Variants in HTR1F observed in about 807,000 individuals in gnomAD.
HTR1F encodes the protein 5-hydroxytryptamine receptor 1F.
A neutral mutation model predicts 24.0 loss-of-function variants in HTR1F; 17 were observed. The ratio of observed to expected loss-of-function variants is 0.71; its 90% CI spans 0.48 to 1.06. HTR1F has a LOEUF of 1.06. Among genes scored for constraint, HTR1F ranks in the 50% least tolerant of loss-of-function variants. HTR1F has a pLI of 0.00. For missense variants in HTR1F, 391 were observed against 427.8 expected, an observed-to-expected ratio of 0.91 and a Z score of 0.76; for synonymous variants, 186 against 156.8, an observed-to-expected ratio of 1.19 and a Z score of -1.39.
intron 2 of HTR1F, among the ~76,000 whole-genome samples, chr3:87,878,690 C>T (rs1206885582): frequency 6.6e-6 from 1 of 151,906 alleles, no homozygotes; most frequent in African/African-American, 2.4e-5. Flanking sequence ...CAAACACACA[C>T]ACACAGATTT....
At chr3:87,840,452 G>A (rs1704777150) in intron 2 of HTR1F, among the ~76,000 whole-genome samples, 1 of 151,984 alleles carries the variant, frequency 6.6e-6, no homozygotes. Flanking sequence ...TGGAGAAAAG[G>A]GAAGCTTTAT....
chr3:87,882,879 T>TA (rs1705839497), intron 2 of HTR1F, among the ~76,000 whole-genome samples: 1 of 151,660 alleles, frequency 6.6e-6, no homozygotes, highest in African/African-American at 2.4e-5. Context: ...AAAATAAATT[T>TA]AAAAAAAAGG....
intron 1 of HTR1F, among the ~76,000 whole-genome samples, chr3:87,819,894 AAGTT>A (rs762649179): frequency 1.3e-4 from 20 of 152,102 alleles, no homozygotes; most frequent in Non-Finnish European, 2.5e-4. Flanking sequence ...AATGAGAAAA[AAGTT>A]AAATAGTAAA....
At chr3:87,935,062 C>T (rs1704378356) in intron 2 of HTR1F, among the ~76,000 whole-genome samples, 2 of 152,128 alleles carry the variant, frequency 1.3e-5, no homozygotes, top group South Asian at 4.2e-4. Context: ...GAAACAAGGT[C>T]TCACTACATT....
intron 2 of HTR1F, among the ~76,000 whole-genome samples, chr3:87,969,807 A>G (rs1471329866): frequency 6.6e-6 from 1 of 152,182 alleles, no homozygotes; most frequent in Non-Finnish European, 1.5e-5. Context: ...CCACATGTCA[A>G]ATTGTAGCTT....
intron 2 of HTR1F, among the ~76,000 whole-genome samples, chr3:87,915,301 AC>A (rs1199404677): frequency 6.6e-6 from 1 of 152,096 alleles, no homozygotes; most frequent in African/African-American, 2.4e-5. Context: ...GTTCTATAAC[AC>A]CCCCCAAAAA....
At chr3:87,958,958 G>C (rs941965762) in intron 2 of HTR1F, among the ~76,000 whole-genome samples, 1 of 151,674 alleles carries the variant, frequency 6.6e-6, no homozygotes, top group South Asian at 2.1e-4. Context: ...CTGATTGTCA[G>C]ATCCATATTG....
chr3:87,983,329 C>A (rs187994726), intron 2 of HTR1F, among the ~76,000 whole-genome samples: 53 of 152,294 alleles, frequency 3.5e-4, no homozygotes, highest in Admixed American at 1.7e-3. Flanking sequence ...GTTCCATTGA[C>A]TGAAGTGCTG....
intron 2 of HTR1F, among the ~76,000 whole-genome samples, chr3:87,928,851 C>A (rs1447871191): frequency 6.6e-6 from 1 of 152,076 alleles, no homozygotes; most frequent in African/African-American, 2.4e-5. Flanking sequence ...TGTAAGGGTA[C>A]AACATTTCAG....
At chr3:87,796,576 AG>A (rs1376605518) in intron 1 of HTR1F, among the ~76,000 whole-genome samples, 2 of 152,214 alleles carry the variant, frequency 1.3e-5, no homozygotes, top group Non-Finnish European at 2.9e-5. Context: ...AGAGGGTAGG[AG>A]CCATAAAAGG....
At position 87,864,151 on chromosome 3, in the gene HTR1F, T is replaced by C. The variant is rs190767311; in HGVS notation, c.-43+42027T>C. On this transcript the variant is annotated intron_variant, in intron 2 of 2. Transcript: ENST00000319595. ...CCAGAAAAATCTCCCTTTTTCTGGGTCAAATGATTAGCAACCTGAACTCCA... is the reference window on the plus strand; with the variant it reads ...CCAGAAAAATCTCCCTTTTTCTGGGCCAAATGATTAGCAACCTGAACTCCA... 1.4e-3 allele frequency among the ~76,000 whole-genome samples: 220 copies of C among 152,286 alleles called. 1 individual carries two copies. Among genetic ancestry groups the C allele is most frequent in the African/African-American group, 5.1e-3 (211 of 41,564 alleles).
intron 2 of HTR1F, among the ~76,000 whole-genome samples, chr3:87,850,700 T>A (rs1315546091): frequency 6.6e-6 from 1 of 151,608 alleles, no homozygotes; most frequent in Non-Finnish European, 1.5e-5. Flanking sequence ...AAAATTAATA[T>A]AGAAAAATTT....
chr3:87,888,947 A>G (rs1706018409), intron 2 of HTR1F, among the ~76,000 whole-genome samples: 1 of 152,170 alleles, frequency 6.6e-6, no homozygotes, highest in Admixed American at 6.5e-5. Flanking sequence ...TCTGATCCCC[A>G]TTGTTGGAGG....
intron 2 of HTR1F, among the ~76,000 whole-genome samples, chr3:87,835,271 C>A (rs141291008): frequency 1.3e-5 from 2 of 151,200 alleles, no homozygotes; most frequent in Admixed American, 6.6e-5. Context: ...ACCCTTACCC[C>A]CAAGACCCCC....
intron 2 of HTR1F, among the ~76,000 whole-genome samples, chr3:87,937,080 AC>A (rs201951343): frequency 8.6e-6 from 1 of 116,790 alleles, no homozygotes; most frequent in Non-Finnish European, 1.8e-5. Context: ...TGTTGAAACT[AC>A]CCAAAAAAAA....
At chr3:87,976,688 C>T (rs1289816908) in intron 2 of HTR1F, among the ~76,000 whole-genome samples, 5 of 152,034 alleles carry the variant, frequency 3.3e-5, no homozygotes, top group Admixed American at 2.0e-4. Context: ...AGACCTTGTC[C>T]AACCCAATAT....
intron 1 of HTR1F, among the ~76,000 whole-genome samples, chr3:87,816,929 T>C (rs1357116367): frequency 6.6e-6 from 1 of 152,174 alleles, no homozygotes; most frequent in East Asian, 1.9e-4. Context: ...ATAGTAATTA[T>C]GGCCCCCCAC....
intron 2 of HTR1F, among the ~76,000 whole-genome samples, chr3:87,974,144 T>C (rs907023837): frequency 1.3e-5 from 2 of 152,198 alleles, no homozygotes; most frequent in Non-Finnish European, 2.9e-5. Context: ...GCAGAAGCCA[T>C]GCCCAGATCC....
Position 87,992,660 on chromosome 3 carries a change from C to G in HTR1F, c.*810C>G, listed in dbSNP as rs762270845. The G allele has an allele frequency of 2.4e-5, 4 of 167,040 alleles. No homozygotes were observed. Among genetic ancestry groups the G allele is most frequent in the East Asian group, 1.9e-4 (1 of 5,196 alleles). 10.3% of individuals were successfully genotyped at this position (167,040 alleles called of 1,614,324 possible). The stretch of plus-strand genomic sequence containing the variant: ...TTACTTAGGAATCAAATTTAAAGCA[C>G]TAAATATCATAGATTACTCACCACA... On this transcript the variant is annotated 3_prime_UTR_variant, in exon 3 of 3. Coordinates refer to ENST00000319595, the MANE Select transcript of HTR1F (RefSeq NM_001322209.2).
Sources: gnomAD v4.1 joint callset for allele counts (sites outside exome capture counted in the v4.1 genomes callset) on GRCh38, gnomAD v4.1.1 for gene constraint, MANE v1.5 for transcripts, NCBI Gene and HGNC (gene_info 2026-07-23, HGNC 2026-07-21) for gene names.